Variants in STXBP2 observed in about 807,000 individuals in gnomAD.
STXBP2 encodes the protein syntaxin binding protein 2, also known as syntaxin-binding protein 2.
Under a neutral mutation model 72.2 loss-of-function variants are expected in STXBP2, and 47 were observed. That is an observed-to-expected ratio of 0.65 (90% confidence interval 0.51 to 0.83). The LOEUF is 0.83. STXBP2 is among the 40% of genes least tolerant of loss of function. The pLI, the probability that STXBP2 is intolerant of heterozygous loss-of-function variation, is 0.00. For synonymous variants in STXBP2, 367 were observed against 338.7 expected (o/e 1.08, Z -0.92); for missense variants, 702 against 807.6 (o/e 0.87, Z 1.58).
At position 7,646,933 on chromosome 19, in the gene STXBP2, C is replaced by A. The variant is rs571660651; in HGVS notation, c.1453-229C>A. ...AACTGTGGGTTTAGACTTCTGGGTACCCAAGGAGTTATGGAATTAGATTCG... is the reference window on the plus strand; with the variant it reads ...AACTGTGGGTTTAGACTTCTGGGTAACCAAGGAGTTATGGAATTAGATTCG... On this transcript the variant is annotated intron_variant, in intron 16 of 18. Transcript: ENST00000221283. 7.5e-5 allele frequency: 45 copies of A among 597,074 alleles called. No homozygotes were observed. The Admixed American group carries it at 1.0e-3, about 14-fold the overall frequency. The allele number at this position is 597,074 out of a possible 1,614,324, so 37.0% of individuals were successfully genotyped here.
In STXBP2 at chr19:7,641,916, C is replaced by A. The variant is rs984900035; in HGVS notation, c.578+63C>A. ...CCCCTTAACCGCGTGCAACACCTAA[C>A]CTTTAACCTCTCTTGTGACCCCAGC... On this transcript the variant is annotated intron_variant, in intron 7 of 18. Coordinates refer to ENST00000221283, the MANE Select transcript of STXBP2 (RefSeq NM_006949.4). 23 of 1,347,836 alleles carry A rather than the reference C, an allele frequency of 1.7e-5. No individual in the cohort carries two copies. The Admixed American group carries it at 4.1e-4, about 24-fold the overall frequency. 83.5% of individuals were successfully genotyped at this position (1,347,836 alleles called of 1,614,324 possible). A position where few individuals can be genotyped will look rare whatever the true frequency, so the allele number is the denominator to read the frequency against.
In STXBP2 at chr19:7,640,069, C is replaced by T. The variant is rs540134393; in HGVS notation, c.246+262C>T. 1.4e-4 allele frequency: 86 copies of T among 601,280 alleles called. 1 individual carries two copies. The highest frequency in any genetic ancestry group is 4.9e-4 in the South Asian group (32 of 65,440). 37.2% of individuals were successfully genotyped at this position (601,280 alleles called of 1,614,324 possible). A position where few individuals can be genotyped will look rare whatever the true frequency, so the allele number is the denominator to read the frequency against. ...GTGCATTTGTGTGTATGTGTGTATG[C>T]GTGTGTGTCTGTGGGTCTGTGTGTG... On this transcript the variant is annotated intron_variant, in intron 4 of 18. Transcript: ENST00000221283.
At chr19:7,645,033 C>A in intron 14 of STXBP2, 164 bp from the exon 15 acceptor site, 1 of 1,454,636 alleles carries the variant, frequency 6.9e-7, no homozygotes, top group Non-Finnish European at 9.1e-7. Flanking sequence ...TCTACCCCCT[C>A]CAGGTTTCCC....
Position 7,642,111 on chromosome 19 carries a change from TG to T in STXBP2, c.659del (p.Gly220AlafsTer12). The T allele has an allele frequency of 6.2e-7, 1 of 1,614,098 alleles. No individual in the cohort carries two copies. Among genetic ancestry groups the T allele is most frequent in the Non-Finnish European group, 8.5e-7 (1 of 1,180,000 alleles). On this transcript the variant is annotated frameshift_variant, in exon 8 of 19. Coordinates refer to ENST00000221283, the MANE Select transcript of STXBP2 (RefSeq NM_006949.4). LOFTEE classifies it high-confidence loss of function. This position sits in a 1 kb window ranked among gnomAD's most constrained non-coding sequence, Gnocchi z 6.0. ...LNAFKADTPS[L>X]GEGPEKTRSQ... ...GCCTTCAAGGCAGACACTCCCAGTC[TG>T]GGCGAGGTGAGGGGGCGTGCTTGGG...
At chr19:7,636,855 G>T, upstream of STXBP2, 1 of 361,052 alleles carries the variant, frequency 2.8e-6, no homozygotes. Flanking sequence ...TTATTGCCCT[G>T]CGATCCTGCT....
chr19:7,639,341 C>T, intron 3 of STXBP2: 1 of 626,260 alleles, frequency 1.6e-6, no homozygotes, highest in Non-Finnish European at 2.9e-6. Context: ...GCTGCAGCCC[C>T]TTCCTGACCG....
At chr19:7,640,030 G>C in intron 4 of STXBP2, 1 of 666,914 alleles carries the variant, frequency 1.5e-6, no homozygotes, top group Non-Finnish European at 2.7e-6. Flanking sequence ...ATGTGCATGT[G>C]TGTGCGTCTG....
At chr19:7,641,231 G>A (rs1409982117) in intron 6 of STXBP2, 18 of 592,152 alleles carry the variant, frequency 3.0e-5, no homozygotes, top group South Asian at 1.3e-4. Flanking sequence ...TTAGCTTGGC[G>A]TGGTGGCGTG....
the STXBP2 span, chr19:7,630,549 C>A: frequency 6.6e-7 from 1 of 1,522,652 alleles, no homozygotes; most frequent in South Asian, 1.2e-5. Flanking sequence ...GGGAGCTCAC[C>A]TCACCCACCC....
At chr19:7,632,786 G>A (rs150461106), upstream of STXBP2, 30 of 1,564,442 alleles carry the variant, frequency 1.9e-5, no homozygotes, top group African/African-American at 8.1e-5. This position sits in a 1 kb window ranked among gnomAD's most constrained non-coding sequence, Gnocchi z 5.2. Flanking sequence ...CGCCCTGCAC[G>A]TGGCTCAGCA....
chr19:7,632,632 C>T (rs921408428), upstream of STXBP2: 42 of 1,573,632 alleles, frequency 2.7e-5, no homozygotes, highest in Non-Finnish European at 3.4e-5. The surrounding 1 kb of genome is among the most constrained non-coding windows in gnomAD (Gnocchi z 5.2). Flanking sequence ...ACATCCCGTG[C>T]CCCCAGGCCC....
At chr19:7,641,344 T>C (rs189831227) in intron 6 of STXBP2, 10 of 493,156 alleles carry the variant, frequency 2.0e-5, no homozygotes, top group Non-Finnish European at 3.7e-5. Flanking sequence ...CCCTCCAGCC[T>C]GGGCGACAGA....
At chr19:7,645,774 G>A (rs908157491) in intron 15 of STXBP2, among the ~76,000 whole-genome samples, 10 of 149,258 alleles carry the variant, frequency 6.7e-5, no homozygotes, top group African/African-American at 1.5e-4. Flanking sequence ...CCCTCACCCC[G>A]TCCCCATCTC....
chr19:7,646,505 C>T (rs571631773), intron 16 of STXBP2, 161 bp downstream of exon 16: 25 of 739,916 alleles, frequency 3.4e-5, no homozygotes, highest in South Asian at 3.1e-4. Flanking sequence ...ACGCCAAGCC[C>T]GCAGCTGAGG....
rs1599407134 is a variant in STXBP2, at chr19:7,646,627, A to G, written c.1452+283A>G. ...CCCCTGTCCCGCAGGAGTGCCCCTG[A>G]GCCCCAGCCCTGGCCTTCCCAGGAT... is the stretch of plus-strand genomic sequence containing the variant. On this transcript the variant is annotated intron_variant, in intron 16 of 18. Transcript: ENST00000221283. The G allele has an allele frequency of 1.9e-4, 96 of 517,560 alleles. 1 individual carries two copies. Among genetic ancestry groups the G allele is most frequent in the South Asian group, 1.9e-3 (92 of 49,680 alleles). 32.1% of individuals were successfully genotyped at this position (517,560 alleles called of 1,614,324 possible). A position where few individuals can be genotyped will look rare whatever the true frequency, so the allele number is the denominator to read the frequency against.
chr19:7,629,999 G>A, the STXBP2 span: 1 of 1,136,714 alleles, frequency 8.8e-7, no homozygotes, highest in Non-Finnish European at 1.2e-6. Flanking sequence ...GAACCTTTCT[G>A]GTTGGAAATC....
At chr19:7,645,481 G>A in intron 15 of STXBP2, 175 bp downstream of exon 15, 1 of 613,032 alleles carries the variant, frequency 1.6e-6, no homozygotes, top group Non-Finnish European at 2.9e-6. Context: ...GGACACTGGG[G>A]CCTCTCCCAG....
At chr19:7,630,388 C>G in the STXBP2 span, 6 of 600,558 alleles carry the variant, frequency 1.0e-5, no homozygotes, top group Non-Finnish European at 1.8e-5. Context: ...ATGAGGCCTC[C>G]TGGATTATAG....
chr19:7,647,274 A>C (rs768137578), intron 17 of STXBP2, 27 bp downstream of exon 17: 9 of 1,610,386 alleles, frequency 5.6e-6, no homozygotes, highest in Non-Finnish European at 7.6e-6. Context: ...GCCCCCGCCC[A>C]CGCCTGGGTC....
Sources: allele counts gnomAD v4.1 joint callset (sites outside exome capture counted in the v4.1 genomes callset), GRCh38; gene constraint gnomAD v4.1.1; non-coding constraint Gnocchi (gnomAD v3.1); transcripts MANE v1.5; gene names NCBI Gene and HGNC (gene_info 2026-07-23, HGNC 2026-07-21).